COL6A6: variants seen among roughly 807,000 people sequenced by gnomAD.
COL6A6 encodes the protein collagen type VI alpha 6 chain, also known as collagen alpha-6(VI) chain.
In COL6A6, 183 loss-of-function variants were observed where a neutral mutation model predicts 208.6. The ratio of observed to expected loss-of-function variants is 0.88; its 90% CI spans 0.78 to 0.99. COL6A6 has a LOEUF of 0.99. Ranked by LOEUF, COL6A6 falls within the 50% of genes least tolerant of loss-of-function variation. COL6A6 has a pLI of 0.00. For synonymous variants in COL6A6, 973 were observed against 1,011.8 expected (o/e 0.96, Z 0.73); for missense variants, 2,816 against 2,815.2 (o/e 1.00, Z -0.01).
intron 36 of COL6A6, among the ~76,000 whole-genome samples, chr3:130,666,514 G>A (rs1474329464): frequency 6.6e-6 from 1 of 152,150 alleles, no homozygotes; most frequent in African/African-American, 2.4e-5. Context: ...TAGCAAGATA[G>A]TAACAGTTGG....
rs747514989 is a variant in COL6A6, at chr3:130,567,064, T to C, written c.1645T>C (p.Ser549Pro). Residue 549 changes from serine (S) to proline (P), a missense_variant, in exon 5 of 37, where the codon TCC becomes CCC. By Grantham distance (74) the Ser-to-Pro change is moderately conservative. Transcript: ENST00000358511. Reference protein sequence around the residue: ...CHLVVLTNGMSKDSILEPANR... With the variant: ...CHLVVLTNGMPKDSILEPANR... The stretch of plus-strand genomic sequence containing the variant: ...CCTTGTTGTCCTGACAAATGGCATG[T>C]CCAAGGATAGCATCTTGGAGCCTGC... The C allele has an allele frequency of 8.7e-6, 14 of 1,613,866 alleles. No homozygotes were observed. Among genetic ancestry groups the C allele is most frequent in the Non-Finnish European group, 1.1e-5 (13 of 1,179,884 alleles).
chr3:130,541,981 A>T (rs1296501864), intron 1 of COL6A6, among the ~76,000 whole-genome samples: 1 of 152,090 alleles, frequency 6.6e-6, no homozygotes, highest in Non-Finnish European at 1.5e-5. Context: ...TTAGCCTTTT[A>T]ATGTCCATGG....
chr3:130,558,346 A>T (rs1057490557), intron 1 of COL6A6, among the ~76,000 whole-genome samples: 3 of 152,140 alleles, frequency 2.0e-5, no homozygotes, highest in African/African-American at 7.2e-5. Context: ...GCACACACAA[A>T]GTCAGGCACA....
intron 1 of COL6A6, among the ~76,000 whole-genome samples, chr3:130,541,231 T>C (rs2062356009): frequency 6.6e-6 from 1 of 152,238 alleles, no homozygotes; most frequent in Admixed American, 6.5e-5. Flanking sequence ...TCACTGATCA[T>C]TGGAGAAATG....
intron 36 of COL6A6, among the ~76,000 whole-genome samples, chr3:130,665,912 T>C (rs2066063367): frequency 6.6e-6 from 1 of 152,056 alleles, no homozygotes; most frequent in Non-Finnish European, 1.5e-5. Flanking sequence ...AACAGGAAAA[T>C]GTGCCTTTAC....
rs76623493 is a variant in COL6A6 at position 130,661,756 on chromosome 3, A to T, written c.5950A>T (p.Ile1984Leu). The part of the protein sequence containing the change: ...RNMGSAEFED[I>L]RAFLGALLDH... ...CATGGGAAGTGCTGAATTTGAAGACATAAGAGCCTTCCTTGGAGCACTATT... is the reference window on the plus strand; with the variant it reads ...CATGGGAAGTGCTGAATTTGAAGACTTAAGAGCCTTCCTTGGAGCACTATT... The change falls in exon 35 of 37, where the codon ATA becomes TTA. Residue 1984 changes from isoleucine to leucine, a missense_variant. Coordinates refer to ENST00000358511, the MANE Select transcript of COL6A6 (RefSeq NM_001102608.3). 6.2e-7 allele frequency: 1 copy of T among 1,613,828 alleles called. No homozygotes were observed. The highest frequency in any genetic ancestry group is 1.3e-5 in the African/African-American group (1 of 74,928).
chr3:130,564,401 T>A (rs554290665), intron 3 of COL6A6, among the ~76,000 whole-genome samples: 2 of 152,344 alleles, frequency 1.3e-5, no homozygotes, highest in East Asian at 3.8e-4. Flanking sequence ...TAAAAAACAA[T>A]GTGTTCAAAG....
intron 10 of COL6A6, among the ~76,000 whole-genome samples, chr3:130,582,357 C>G (rs889524836): frequency 6.6e-6 from 1 of 152,148 alleles, no homozygotes; most frequent in Admixed American, 6.5e-5. Flanking sequence ...GTTCCTTTCT[C>G]TCTCGCCCCA....
At chr3:130,574,779 C>T (rs1481548270) in intron 8 of COL6A6, among the ~76,000 whole-genome samples, 2 of 152,166 alleles carry the variant, frequency 1.3e-5, no homozygotes, top group African/African-American at 4.8e-5. Flanking sequence ...GGAATGCCTG[C>T]CTTCAGGTGT....
At chr3:130,564,776 T>C (rs948787843) in intron 3 of COL6A6, among the ~76,000 whole-genome samples, 1 of 152,234 alleles carries the variant, frequency 6.6e-6, no homozygotes, top group Non-Finnish European at 1.5e-5. Flanking sequence ...AGATTAATAT[T>C]GTCTCCCTTT....
chr3:130,528,654 G>A (rs955596377), intron 1 of COL6A6, among the ~76,000 whole-genome samples: 1 of 152,132 alleles, frequency 6.6e-6, no homozygotes, highest in Non-Finnish European at 1.5e-5. Flanking sequence ...GACTCCTGGG[G>A]CAGAATCAGG....
chr3:130,636,329 A>G (rs576928888), intron 28 of COL6A6, among the ~76,000 whole-genome samples: 1 of 152,362 alleles, frequency 6.6e-6, no homozygotes, highest in South Asian at 2.1e-4. Context: ...ACAGGTCTCC[A>G]GTACAATTCA....
At chr3:130,620,286 C>A (rs1303241988) in intron 23 of COL6A6, among the ~76,000 whole-genome samples, 1 of 152,004 alleles carries the variant, frequency 6.6e-6, no homozygotes, top group Non-Finnish European at 1.5e-5. Context: ...AAAGTGAGAA[C>A]AATAAGGCCA....
At chr3:130,553,846 G>GT (rs796867068) in intron 1 of COL6A6, among the ~76,000 whole-genome samples, 1,144 of 71,822 alleles carry the variant, frequency 0.016, 10 homozygotes, top group African/African-American at 0.03. Context: ...TTTTTTTTGT[G>GT]TTTTTTTTTG....
intron 1 of COL6A6, among the ~76,000 whole-genome samples, chr3:130,526,086 T>C (rs2061955256): frequency 6.6e-6 from 1 of 152,060 alleles, no homozygotes; most frequent in African/African-American, 2.4e-5. Flanking sequence ...GAGAAGTCAA[T>C]AAATGACTTA....
intron 33 of COL6A6, among the ~76,000 whole-genome samples, chr3:130,658,190 A>G (rs1396331): frequency 0.36 from 54,775 of 152,080 alleles, 12,802 homozygotes; most frequent in African/African-American, 0.66. Flanking sequence ...AGACTTAGGT[A>G]GGGGAGAGGA....
At chr3:130,583,759 G>C (rs2063475259) in intron 10 of COL6A6, among the ~76,000 whole-genome samples, 1 of 152,144 alleles carries the variant, frequency 6.6e-6, no homozygotes. Context: ...GATCTCCTGA[G>C]TTTTTTGGTT....
intron 10 of COL6A6, among the ~76,000 whole-genome samples, chr3:130,584,601 T>C (rs1007579488): frequency 6.6e-6 from 1 of 151,910 alleles, no homozygotes; most frequent in African/African-American, 2.4e-5. Context: ...CTTTTTTTAT[T>C]TTTTTTATTT....
intron 11 of COL6A6, among the ~76,000 whole-genome samples, chr3:130,588,087 A>T (rs1056042352): frequency 1.3e-5 from 2 of 152,220 alleles, no homozygotes; most frequent in African/African-American, 2.4e-5. Context: ...ATATAAAATC[A>T]TAGTATCCAT....
Sources: allele counts gnomAD v4.1 joint callset (sites outside exome capture counted in the v4.1 genomes callset), GRCh38; gene constraint gnomAD v4.1.1; transcripts MANE v1.5; gene names NCBI Gene and HGNC (gene_info 2026-07-23, HGNC 2026-07-21).